The following DHX15 variants were observed in gnomAD, a reference collection of about 807,000 sequenced individuals.
The protein encoded by DHX15 is ATP-dependent RNA helicase DHX15.
A neutral mutation model predicts 94.4 loss-of-function variants in DHX15; 11 were observed. That is an observed-to-expected ratio of 0.12 (90% CI 0.07 to 0.19). The LOEUF (loss-of-function observed/expected upper bound fraction) is 0.19, where lower values mean the gene tolerates loss of function less well. Ranked by LOEUF, DHX15 falls within the 10% of genes least tolerant of loss-of-function variation. The pLI is 1.00. For synonymous variants in DHX15, 338 were observed against 329.9 expected (o/e 1.02, Z -0.27); for missense variants, 304 against 988.5 (o/e 0.31, Z 9.29).
At chr4:24,562,190 C>G (rs962695840) in intron 3 of DHX15, among the ~76,000 whole-genome samples, 1 of 149,832 alleles carries the variant, frequency 6.7e-6, no homozygotes, top group Admixed American at 6.6e-5. Context: ...TGCAATTTAC[C>G]TATACAGCAA....
At chr4:24,574,720 T>A (rs1722203772) in intron 2 of DHX15, among the ~76,000 whole-genome samples, 1 of 152,192 alleles carries the variant, frequency 6.6e-6, no homozygotes, top group Admixed American at 6.5e-5. Flanking sequence ...TGTAAAGTGG[T>A]GATGAATATC....
rs1407272790 is a variant in DHX15, at chr4:24,542,932, A to C, written c.1335+8T>G. On this transcript the variant is annotated splice_region_variant and intron_variant, in intron 7 of 13. Transcript: ENST00000336812. The stretch of plus-strand genomic sequence containing the variant: ...CTCTAATTTATAAAGTATCCACTAA[A>C]TATGTACCTTCTGTTTCGCAAATCC... 27 of 1,607,306 alleles carry C rather than the reference A, an allele frequency of 1.7e-5. No individual in the cohort carries two copies. Among genetic ancestry groups the C allele is most frequent in the Non-Finnish European group, 1.9e-5 (22 of 1,174,410 alleles).
chr4:24,535,198 G>A (rs1721168648), intron 11 of DHX15, among the ~76,000 whole-genome samples: 1 of 152,086 alleles, frequency 6.6e-6, no homozygotes, highest in Non-Finnish European at 1.5e-5. Flanking sequence ...CTTGTTTACA[G>A]GCCACTTGTA....
At chr4:24,555,005 A>AT (rs1215661918) in intron 4 of DHX15, 62 bp from the exon 5 acceptor site, 1 of 1,316,640 alleles carries the variant, frequency 7.6e-7, no homozygotes, top group African/African-American at 1.5e-5. Flanking sequence ...GTCTTACAGT[A>AT]TAGCAATATT....
chr4:24,562,597 T>G (rs1312036133), intron 3 of DHX15, among the ~76,000 whole-genome samples: 1 of 152,202 alleles, frequency 6.6e-6, no homozygotes, highest in Non-Finnish European at 1.5e-5. Flanking sequence ...TTGGGAAATA[T>G]TCAATAAACG....
At chr4:24,529,799 T>C (rs368311583) in intron 12 of DHX15, 29 bp from the exon 13 acceptor site, 7 of 1,611,160 alleles carry the variant, frequency 4.3e-6, no homozygotes, top group Non-Finnish European at 5.9e-6. Context: ...ATATTATTAA[T>C]ACAATGCTTC....
chr4:24,545,967 CA>C (rs1458839371), intron 6 of DHX15, among the ~76,000 whole-genome samples: 2 of 152,164 alleles, frequency 1.3e-5, no homozygotes, highest in Non-Finnish European at 2.9e-5. Flanking sequence ...TTTCCTCCCT[CA>C]ATAACCTGCC....
intron 1 of DHX15, among the ~76,000 whole-genome samples, chr4:24,578,938 A>C: frequency 6.6e-6 from 1 of 152,196 alleles, no homozygotes; most frequent in South Asian, 2.1e-4. Context: ...ATTTGGGGGA[A>C]GAGAGGTGAC....
intron 5 of DHX15, among the ~76,000 whole-genome samples, chr4:24,554,445 A>C (rs1721679969): frequency 6.6e-6 from 1 of 152,228 alleles, no homozygotes; most frequent in South Asian, 2.1e-4. Context: ...TCAGCATAAT[A>C]GCACTTATAT....
intron 4 of DHX15, 30 bp from the exon 5 acceptor site, chr4:24,554,973 T>A: frequency 6.4e-7 from 1 of 1,553,808 alleles, no homozygotes; most frequent in Non-Finnish European, 8.9e-7. Flanking sequence ...TATTTGAAGC[T>A]GTCTTCAAGG....
At chr4:24,531,482 G>A (rs1721083139) in intron 12 of DHX15, among the ~76,000 whole-genome samples, 1 of 152,120 alleles carries the variant, frequency 6.6e-6, no homozygotes, top group Non-Finnish European at 1.5e-5. Context: ...GGAGGTCGAG[G>A]TAGGAGGATC....
chr4:24,532,128 A>G (rs1489151039), intron 12 of DHX15, among the ~76,000 whole-genome samples: 1 of 152,254 alleles, frequency 6.6e-6, no homozygotes, highest in African/African-American at 2.4e-5. Context: ...CATTTTTCTC[A>G]AAGTTTCTCT....
Position 24,584,513 on chromosome 4 carries a change from G to C in DHX15, c.-120C>G, listed in dbSNP as rs989500562. 5 of 994,114 alleles carry C rather than the reference G, an allele frequency of 5.0e-6. No individual in the cohort carries two copies. Among genetic ancestry groups the C allele is most frequent in the South Asian group, 1.7e-5 (1 of 58,390 alleles). The allele number at this position is 994,114 out of a possible 1,614,324, so 61.6% of individuals were successfully genotyped here. ...CCCCTCCCGCTACTACAGCCCACAC[G>C]GTGCGGCCGGAACCAACAGCTAAAA... On this transcript the variant is annotated 5_prime_UTR_variant, in exon 1 of 14. Coordinates refer to ENST00000336812, the MANE Select transcript of DHX15 (RefSeq NM_001358.3).
Position 24,547,942 on chromosome 4 carries a change from T to TA in DHX15, c.1248+912_1248+913insT, listed in dbSNP as rs1491166366. On this transcript the variant is annotated intron_variant, in intron 6 of 13. Transcript: ENST00000336812. ...ATATATATATATATATATATATATA[T>TA]CTATATCTATATCTATATCTATCTG... 1.6e-3 allele frequency among the ~76,000 whole-genome samples: 49 copies of TA among 30,240 alleles called. 1 individual carries two copies. Among genetic ancestry groups the TA allele is most frequent in the African/African-American group, 6.6e-3 (32 of 4,870 alleles). The allele number at this position is 30,240 out of a possible 152,430, so 19.8% of individuals were successfully genotyped here.
At chr4:24,532,757 T>C in intron 12 of DHX15, 107 bp downstream of exon 12, 1 of 774,424 alleles carries the variant, frequency 1.3e-6, no homozygotes, top group Non-Finnish European at 2.0e-6. Flanking sequence ...TAAATTTTTA[T>C]GAGCATGCAC....
In DHX15 at chr4:24,531,149, C is replaced by G. The variant is rs1005758534; in HGVS notation, c.2101-1379G>C. Among the ~76,000 whole-genome samples the G allele has an allele frequency of 3.7e-4, 56 of 150,588 alleles. 1 individual carries two copies. The highest frequency in any genetic ancestry group is 3.3e-3 in the Admixed American group (50 of 15,110). Reference sequence around the variant, plus strand: ...TGTCGCCCAGGCTGGAGTGCAGTGGCGCTATCTCGGCTCACTGCAAGCTCT... The same window carrying G: ...TGTCGCCCAGGCTGGAGTGCAGTGGGGCTATCTCGGCTCACTGCAAGCTCT... On this transcript the variant is annotated intron_variant, in intron 12 of 13. Transcript: ENST00000336812.
chr4:24,576,924 A>G (rs1722280685), intron 1 of DHX15, among the ~76,000 whole-genome samples: 6 of 152,190 alleles, frequency 3.9e-5, no homozygotes, highest in Admixed American at 3.9e-4. Context: ...GAGGTAACAC[A>G]AGAACTCAGT....
chr4:24,537,235 A>C lies in DHX15; in HGVS notation c.1787-62T>G. On this transcript the variant is annotated intron_variant, in intron 10 of 13. Transcript: ENST00000336812. The surrounding 1 kb of genome is among the most constrained non-coding windows in gnomAD (Gnocchi z 4.7). ...ATATCGATGAGTCACGCATTCACAG[A>C]TAGAGGAACAAGGCCTAGCTAGGTC... The C allele has an allele frequency of 1.9e-6, 3 of 1,604,850 alleles. No homozygotes were observed. The highest frequency in any genetic ancestry group is 2.6e-6 in the Non-Finnish European group (3 of 1,174,798).
intron 5 of DHX15, among the ~76,000 whole-genome samples, chr4:24,550,632 T>G (rs964961834): frequency 3.3e-5 from 5 of 152,172 alleles, no homozygotes; most frequent in Admixed American, 2.6e-4. Flanking sequence ...CTGGAAGGTC[T>G]CCAAAGGCCA....
Sources: gnomAD v4.1 joint callset for allele counts (sites outside exome capture counted in the v4.1 genomes callset) on GRCh38, gnomAD v4.1.1 for gene constraint, Gnocchi (gnomAD v3.1) non-coding constraint, MANE v1.5 for transcripts, NCBI Gene and HGNC (gene_info 2026-07-23, HGNC 2026-07-21) for gene names.